Variants in ST6GALNAC3 observed in about 807,000 individuals in gnomAD.
The protein encoded by ST6GALNAC3 is ST6 N-acetylgalactosaminide alpha-2,6-sialyltransferase 3.
Under a neutral mutation model 32.7 loss-of-function variants are expected in ST6GALNAC3, and 25 were observed. That is an observed-to-expected ratio of 0.76 (90% CI 0.56 to 1.07). ST6GALNAC3 has a LOEUF of 1.07. Ranked by LOEUF, ST6GALNAC3 falls within the 50% of genes least tolerant of loss-of-function variation. The probability of loss-of-function intolerance (pLI) is 0.00; values close to 1 mark genes in which losing one functional copy is unlikely to be tolerated. For synonymous variants in ST6GALNAC3, 129 were observed against 133.1 expected, an observed-to-expected ratio of 0.97 and a Z score of 0.21; for missense variants, 355 against 382.4, an observed-to-expected ratio of 0.93 and a Z score of 0.60.
At chr1:76,611,995 A>G (rs181451017) in intron 3 of ST6GALNAC3, among the ~76,000 whole-genome samples, 6 of 152,328 alleles carry the variant, frequency 3.9e-5, no homozygotes, top group African/African-American at 1.2e-4. Context: ...GGAAATACAT[A>G]CAGGCCATTC....
At chr1:76,484,619 T>G (rs1405403594) in intron 3 of ST6GALNAC3, among the ~76,000 whole-genome samples, 2 of 152,214 alleles carry the variant, frequency 1.3e-5, no homozygotes, top group Admixed American at 1.3e-4. Flanking sequence ...AAGGAGATTT[T>G]GGGCTGAGAC....
chr1:76,206,011 A>G (rs12048928), intron 1 of ST6GALNAC3, among the ~76,000 whole-genome samples: 2 of 152,022 alleles, frequency 1.3e-5, no homozygotes, highest in Non-Finnish European at 2.9e-5. Flanking sequence ...TTTAAATGGT[A>G]TTTCTTGAGC....
intron 3 of ST6GALNAC3, among the ~76,000 whole-genome samples, chr1:76,510,406 G>A (rs1017499096): frequency 6.6e-6 from 1 of 152,188 alleles, no homozygotes; most frequent in Admixed American, 6.5e-5. Flanking sequence ...AGCCTTTGCA[G>A]TCTAGAAGCC....
intron 2 of ST6GALNAC3, among the ~76,000 whole-genome samples, chr1:76,374,914 GTGGTTTTC>G (rs1220545632): frequency 1.3e-5 from 2 of 149,948 alleles, no homozygotes; most frequent in African/African-American, 4.9e-5. Flanking sequence ...TGTTTTTTTT[GTGGTTTTC>G]TGCAATGGGC....
rs754127274 is a variant in ST6GALNAC3 at position 76,412,230 on chromosome 1, G to A, written c.436G>A (p.Glu146Lys). ...LLKNPDYFFK[E>K]ANTTIYVIWG... The stretch of plus-strand genomic sequence containing the variant: ...AAAAAACCCTGATTATTTTTTCAAG[G>A]AAGCGAATACTACTATTTATGTTAT... The change falls in exon 3 of 5, where the codon GAA becomes AAA. Residue 146 changes from glutamate to lysine, a missense_variant. Transcript: ENST00000328299. 6.2e-7 allele frequency: 1 copy of A among 1,613,752 alleles called. No homozygotes were observed. The highest frequency in any genetic ancestry group is 1.1e-5 in the South Asian group (1 of 91,074).
chr1:76,244,708 T>C (rs1396860962), intron 1 of ST6GALNAC3, among the ~76,000 whole-genome samples: 1 of 152,186 alleles, frequency 6.6e-6, no homozygotes, highest in East Asian at 1.9e-4. Flanking sequence ...AATCATGTGG[T>C]TTTTGTCATT....
intron 1 of ST6GALNAC3, among the ~76,000 whole-genome samples, chr1:76,177,504 G>A (rs1652925069): frequency 6.6e-6 from 1 of 152,006 alleles, no homozygotes; most frequent in African/African-American, 2.4e-5. Flanking sequence ...TTAAATACTG[G>A]TAATTCAGTA....
chr1:76,135,968 C>T (rs1009152977), intron 1 of ST6GALNAC3, among the ~76,000 whole-genome samples: 1 of 152,122 alleles, frequency 6.6e-6, no homozygotes, highest in East Asian at 1.9e-4. Flanking sequence ...GTCGCATACC[C>T]CAGGCTTTTC....
At chr1:76,179,411 T>C (rs1653040905) in intron 1 of ST6GALNAC3, among the ~76,000 whole-genome samples, 1 of 152,166 alleles carries the variant, frequency 6.6e-6, no homozygotes, top group African/African-American at 2.4e-5. Context: ...AAAGAAGCCA[T>C]CTCTTTCCCC....
At chr1:76,334,416 T>G (rs1647305487) in intron 2 of ST6GALNAC3, among the ~76,000 whole-genome samples, 1 of 152,196 alleles carries the variant, frequency 6.6e-6, no homozygotes, top group Non-Finnish European at 1.5e-5. Context: ...ACCTTTTGAT[T>G]TGGATATAGC....
chr1:76,117,882 A>G (rs891698497), intron 1 of ST6GALNAC3, among the ~76,000 whole-genome samples: 1 of 152,238 alleles, frequency 6.6e-6, no homozygotes, highest in Admixed American at 6.5e-5. Flanking sequence ...TCTGAATCTC[A>G]GTTTTCCTGT....
At chr1:76,555,946 A>G (rs1295862885) in intron 3 of ST6GALNAC3, among the ~76,000 whole-genome samples, 3 of 152,120 alleles carry the variant, frequency 2.0e-5, no homozygotes, top group African/African-American at 7.2e-5. Flanking sequence ...TAGTGTATTC[A>G]GAGTTGTGCA....
At chr1:76,454,460 T>C (rs1466589585) in intron 3 of ST6GALNAC3, among the ~76,000 whole-genome samples, 1 of 152,148 alleles carries the variant, frequency 6.6e-6, no homozygotes, top group African/African-American at 2.4e-5. Context: ...CTCTAGCAGT[T>C]CTTATAGTGC....
chr1:76,286,227 G>T (rs1037643814), intron 1 of ST6GALNAC3, among the ~76,000 whole-genome samples: 6 of 152,210 alleles, frequency 3.9e-5, no homozygotes, highest in African/African-American at 1.4e-4. Flanking sequence ...GCTACCTTTG[G>T]AGCCTGTGGG....
At chr1:76,534,772 G>A (rs932517740) in intron 3 of ST6GALNAC3, among the ~76,000 whole-genome samples, 1 of 152,090 alleles carries the variant, frequency 6.6e-6, no homozygotes, top group African/African-American at 2.4e-5. Context: ...TGTCTAAATT[G>A]TACATGGCAT....
rs182731777 is a variant in ST6GALNAC3 at position 76,269,840 on chromosome 1, C to A, written c.19-43965C>A. On this transcript the variant is annotated intron_variant, in intron 1 of 4. Transcript: ENST00000328299. ...AAATCTGAGACCTTGTTAATGAGCC[C>A]TGTCTTCTCTCCCAGATTCTAACTG... 9.3e-4 allele frequency among the ~76,000 whole-genome samples: 142 copies of A among 152,310 alleles called. 1 individual carries two copies. The highest frequency in any genetic ancestry group is 6.8e-3 in the Middle Eastern group (2 of 294).
rs184231435 is a variant in ST6GALNAC3, at chr1:76,496,915, G to C, written c.623+84498G>C. ...CTAAGGCTGAGTGCTCTATGGCTTC[G>C]GGTGGGAGCTTTGTCCAAAGCTGGG... On this transcript the variant is annotated intron_variant, in intron 3 of 4. Transcript: ENST00000328299. Among the ~76,000 whole-genome samples the C allele has an allele frequency of 2.1e-4, 32 of 152,238 alleles. No individual in the cohort carries two copies. In the East Asian group the frequency reaches 5.4e-3, roughly 26 times the overall value.
intron 2 of ST6GALNAC3, among the ~76,000 whole-genome samples, chr1:76,387,575 C>G (rs962803470): frequency 6.6e-6 from 1 of 151,972 alleles, no homozygotes; most frequent in Non-Finnish European, 1.5e-5. Flanking sequence ...AGTTTTCTGC[C>G]TCTCCCTTGG....
chr1:76,366,689 A>C (rs545231822), intron 2 of ST6GALNAC3, among the ~76,000 whole-genome samples: 2 of 134,006 alleles, frequency 1.5e-5, no homozygotes, highest in South Asian at 5.4e-4. Flanking sequence ...GCTTTGTAAA[A>C]ACTGCCTCAC....
Sources: allele counts gnomAD v4.1 joint callset (sites outside exome capture counted in the v4.1 genomes callset), GRCh38; gene constraint gnomAD v4.1.1; transcripts MANE v1.5; gene names NCBI Gene and HGNC (gene_info 2026-07-23, HGNC 2026-07-21).